The following NUCB2 variants were observed in gnomAD, a reference collection of about 807,000 sequenced individuals.
The protein encoded by NUCB2 is nucleobindin-2.
In NUCB2, 48 loss-of-function variants were observed where a neutral mutation model predicts 57.9. The observed-to-expected ratio is 0.83, with a 90% CI of 0.66 to 1.05. The LOEUF is 1.05. Among genes scored for constraint, NUCB2 ranks in the 50% least tolerant of loss-of-function variants. The pLI is 0.00. For missense variants in NUCB2, 442 were observed against 476.2 expected (o/e 0.93, Z 0.67); for synonymous variants, 139 against 152.1 (o/e 0.91, Z 0.64).
chr11:17,333,087 C>T (rs896666721), downstream of NUCB2: 1 of 152,138 alleles, frequency 6.6e-6, no homozygotes, highest in African/African-American at 2.4e-5. Context: ...TTTGAAAGTA[C>T]CACTTGGCAA....
At chr11:17,320,192 T>C (rs1049859268) in intron 11 of NUCB2, among the ~76,000 whole-genome samples, 11 of 152,208 alleles carry the variant, frequency 7.2e-5, no homozygotes, top group African/African-American at 2.4e-4. Flanking sequence ...AGTGCTGCAA[T>C]GAACATATGT....
intron 5 of NUCB2, among the ~76,000 whole-genome samples, chr11:17,308,827 C>T (rs1175549264): frequency 6.6e-6 from 1 of 152,054 alleles, no homozygotes; most frequent in Non-Finnish European, 1.5e-5. Context: ...CATAAGTGAT[C>T]CATTGGAGCA....
chr11:17,330,111 A>ATT lies in NUCB2; in HGVS notation c.1003-9_1003-8dup. 7.4e-7 allele frequency: 1 copy of ATT among 1,344,976 alleles called. No homozygotes were observed. Among genetic ancestry groups the ATT allele is most frequent in the Non-Finnish European group, 1.0e-6 (1 of 976,178 alleles). 83.3% of individuals were successfully genotyped at this position (1,344,976 alleles called of 1,614,324 possible). On this transcript the variant is annotated splice_polypyrimidine_tract_variant and intron_variant, in intron 11 of 13. Transcript: ENST00000529010. This position sits in a 1 kb window ranked among gnomAD's most constrained non-coding sequence, Gnocchi z 4.3. The stretch of plus-strand genomic sequence containing the variant: ...GTAGTTTTGAGATTATTCTTTCCTC[A>ATT]TTTTTTTTCTTTTAGACATTAGATC...
At chr11:17,302,247 A>G (rs1228878233) in intron 5 of NUCB2, among the ~76,000 whole-genome samples, 2 of 152,142 alleles carry the variant, frequency 1.3e-5, no homozygotes, top group East Asian at 1.9e-4. Flanking sequence ...CGTGCCATCT[A>G]TGTTCTTCTA....
At chr11:17,317,974 C>CTTTT (rs35264082) in intron 11 of NUCB2, among the ~76,000 whole-genome samples, 4 of 109,902 alleles carry the variant, frequency 3.6e-5, no homozygotes, top group Non-Finnish European at 3.6e-5. Context: ...AAGAAGTCAG[C>CTTTT]TTTTTTTTTT....
intron 1 of NUCB2, among the ~76,000 whole-genome samples, chr11:17,277,801 G>A (rs1278950770): frequency 6.6e-6 from 1 of 152,184 alleles, no homozygotes; most frequent in Non-Finnish European, 1.5e-5. Context: ...TTCCCTATGG[G>A]AAAGTTAAAG....
chr11:17,298,185 G>A (rs966895107), intron 4 of NUCB2, among the ~76,000 whole-genome samples: 1 of 151,304 alleles, frequency 6.6e-6, no homozygotes, highest in African/African-American at 2.4e-5. Context: ...TTTGAGACCA[G>A]CCTGAGCAAC....
intron 2 of NUCB2, among the ~76,000 whole-genome samples, chr11:17,288,495 A>T (rs536568140): frequency 6.6e-6 from 1 of 151,342 alleles, no homozygotes; most frequent in African/African-American, 2.4e-5. Context: ...ACCCAGCCCA[A>T]TGGAATCTTA....
intron 4 of NUCB2, among the ~76,000 whole-genome samples, chr11:17,300,208 G>A (rs1263758761): frequency 1.1e-4 from 16 of 151,940 alleles, no homozygotes; most frequent in South Asian, 2.1e-4. Flanking sequence ...ATGGGTTTTC[G>A]CCATGTTGGC....
intron 11 of NUCB2, among the ~76,000 whole-genome samples, chr11:17,318,951 A>G (rs914815909): frequency 3.9e-5 from 6 of 152,194 alleles, no homozygotes; most frequent in African/African-American, 1.2e-4. Context: ...CAGGAGGACC[A>G]CTTGAGCCCA....
intron 1 of NUCB2, chr11:17,278,506 A>G (rs1022624458): frequency 3.3e-5 from 5 of 152,102 alleles, no homozygotes; most frequent in African/African-American, 1.2e-4. Flanking sequence ...GAATCTGTCT[A>G]TGTTGTGTTT....
intron 11 of NUCB2, among the ~76,000 whole-genome samples, chr11:17,319,414 C>T (rs1436855088): frequency 1.3e-5 from 2 of 152,114 alleles, no homozygotes; most frequent in African/African-American, 2.4e-5. Flanking sequence ...CTTTCCCTGA[C>T]CCAACCCAGA....
chr11:17,287,738 T>G (rs888951405), intron 2 of NUCB2, among the ~76,000 whole-genome samples: 9 of 149,884 alleles, frequency 6.0e-5, no homozygotes, highest in African/African-American at 2.2e-4. Context: ...GGTGGCTCAC[T>G]CCTGTAATCC....
downstream of NUCB2, among the ~76,000 whole-genome samples, chr11:17,336,680 G>C (rs1006190355): frequency 4.8e-5 from 7 of 145,622 alleles, no homozygotes; most frequent in African/African-American, 1.8e-4. Context: ...CGTGAACCCG[G>C]GAGGCGGAGC....
At chr11:17,311,393 A>G in intron 8 of NUCB2, 110 bp downstream of exon 8, 5 of 742,276 alleles carry the variant, frequency 6.7e-6, no homozygotes, top group Non-Finnish European at 1.1e-5. Context: ...AGTGAGAGTA[A>G]ATGGTTAGAG....
At chr11:17,303,608 G>T (rs1471693827) in intron 5 of NUCB2, among the ~76,000 whole-genome samples, 1 of 152,124 alleles carries the variant, frequency 6.6e-6, no homozygotes, top group African/African-American at 2.4e-5. Context: ...TATCTTGCTG[G>T]GCATGATGGC....
At chr11:17,339,327 G>A (rs1952058339) in intron 2 of NUCB2, among the ~76,000 whole-genome samples, 1 of 152,102 alleles carries the variant, frequency 6.6e-6, no homozygotes, top group Non-Finnish European at 1.5e-5. Flanking sequence ...TTTTCCACAT[G>A]ATTTCAAAGT....
intron 11 of NUCB2, among the ~76,000 whole-genome samples, chr11:17,320,984 T>C (rs1949943408): frequency 6.6e-6 from 1 of 152,170 alleles, no homozygotes; most frequent in African/African-American, 2.4e-5. Context: ...ATACATAGTA[T>C]GTGTATATAT....
In NUCB2 at chr11:17,330,136, C is replaced by G. The variant is rs757081; in HGVS notation, c.1012C>G (p.Gln338Glu). ...LEPDSWETLDQQQFFTEEELK... is the reference protein window; with the variant it reads ...LEPDSWETLDEQQFFTEEELK... Reference sequence around the variant, plus strand: ...ATTTTTTTTCTTTTAGACATTAGATCAGCAACAGTTCTTCACAGAGGAAGA... The same window carrying G: ...ATTTTTTTTCTTTTAGACATTAGATGAGCAACAGTTCTTCACAGAGGAAGA... The change falls in exon 12 of 14, where the codon CAG becomes GAG. Residue 338 changes from glutamine (Q) to glutamate (E), a missense_variant. Transcript: ENST00000529010. This position sits in a 1 kb window ranked among gnomAD's most constrained non-coding sequence, Gnocchi z 4.3. 431,171 of 1,455,928 alleles carry G rather than the reference C, an allele frequency of 0.3. 66,585 individuals are homozygous for G. Among genetic ancestry groups the G allele is most frequent in the East Asian group, 0.33 (14,337 of 43,386 alleles). 90.2% of individuals were successfully genotyped at this position (1,455,928 alleles called of 1,614,324 possible). A position where few individuals can be genotyped will look rare whatever the true frequency, so the allele number is the denominator to read the frequency against.
Sources: allele counts gnomAD v4.1 joint callset (sites outside exome capture counted in the v4.1 genomes callset), GRCh38; gene constraint gnomAD v4.1.1; non-coding constraint Gnocchi (gnomAD v3.1); transcripts MANE v1.5; gene names NCBI Gene and HGNC (gene_info 2026-07-23, HGNC 2026-07-21).